The following RALY variants were observed in gnomAD, a reference collection of about 807,000 sequenced individuals.
RALY encodes the protein RNA-binding protein Raly.
Under a neutral mutation model 30.7 loss-of-function variants are expected in RALY, and 15 were observed. That is an observed-to-expected ratio of 0.49 (90% CI 0.33 to 0.75). RALY has a LOEUF of 0.75. RALY is among the 30% of genes least tolerant of loss of function. The probability of loss-of-function intolerance (pLI) is 0.02; values close to 1 mark genes in which losing one functional copy is unlikely to be tolerated. For synonymous variants in RALY, 177 were observed against 170.8 expected (o/e 1.04, Z -0.28); for missense variants, 339 against 414.3 (o/e 0.82, Z 1.58).
At chr20:34,008,137 T>C in intron 1 of RALY, among the ~76,000 whole-genome samples, 1 of 152,210 alleles carries the variant, frequency 6.6e-6, no homozygotes, top group African/African-American at 2.4e-5. Flanking sequence ...GTATTCTCCC[T>C]GCTGTAAGTC....
chr20:34,032,867 A>G (rs748807579), intron 2 of RALY, among the ~76,000 whole-genome samples: 1 of 152,044 alleles, frequency 6.6e-6, no homozygotes, highest in African/African-American at 2.4e-5. Context: ...AAGAAGGCCT[A>G]CTTACTTAGG....
intron 1 of RALY, among the ~76,000 whole-genome samples, chr20:34,019,125 G>A (rs2031720025): frequency 6.6e-6 from 1 of 151,990 alleles, no homozygotes. Context: ...GAGTTCAAGA[G>A]CAGCCTGGCC....
intron 2 of RALY, among the ~76,000 whole-genome samples, chr20:34,068,658 T>C (rs560019894): frequency 3.2e-4 from 48 of 152,204 alleles, no homozygotes; most frequent in Non-Finnish European, 6.2e-4. Flanking sequence ...AGCTAATAAA[T>C]TGTGATGTTC....
At chr20:34,071,235 G>T (rs989046829) in intron 2 of RALY, among the ~76,000 whole-genome samples, 4 of 152,062 alleles carry the variant, frequency 2.6e-5, no homozygotes, top group African/African-American at 7.2e-5. Flanking sequence ...TTTCAAAATG[G>T]TTGGTAGCAA....
In RALY at chr20:34,083,510, G is replaced by A. The variant is rs2034061498; in HGVS notation, c.*3605G>A. On this transcript the variant is annotated 3_prime_UTR_variant, in exon 10 of 10. Coordinates refer to ENST00000246194, the MANE Select transcript of RALY (RefSeq NM_016732.3). ...GCTAAGCCCAAATTCTTCTTAACAG[G>A]AGGAGCTTCAAAATATGGCCATATT... 1 of 152,210 alleles carries A rather than the reference G, an allele frequency of 6.6e-6. No individual in the cohort carries two copies. The highest frequency in any genetic ancestry group is 1.5e-5 in the Non-Finnish European group (1 of 68,044). The allele number at this position is 152,210 out of a possible 1,614,324, so 9.4% of individuals were successfully genotyped here.
rs773144819 is a variant in RALY at position 34,075,887 on chromosome 20, C to T, written c.391C>T (p.Arg131Trp). Residue 131 changes from arginine (R) to tryptophan (W), a missense_variant, in exon 6 of 10, where the codon CGG becomes TGG. Physicochemically the swap from Arg to Trp is moderately radical, Grantham distance 101 (BLOSUM62 -3). Coordinates refer to ENST00000246194, the MANE Select transcript of RALY (RefSeq NM_016732.3). ...DDFYDRLFDY[R>W]GRLSPVPVPR... The stretch of plus-strand genomic sequence containing the variant: ...CTGCCCTCACAGGCTCTTCGACTAC[C>T]GGGGCCGTCTGTCGCCCGTGCCAGT... The T allele has an allele frequency of 4.3e-6, 7 of 1,613,320 alleles. No homozygotes were observed. The highest frequency in any genetic ancestry group is 3.3e-5 in the South Asian group (3 of 90,996).
At chr20:34,052,345 A>C (rs1272742699) in intron 2 of RALY, among the ~76,000 whole-genome samples, 1 of 152,176 alleles carries the variant, frequency 6.6e-6, no homozygotes, top group Non-Finnish European at 1.5e-5. Flanking sequence ...GATTTCATGT[A>C]ACTGACTCAG....
Position 34,034,574 on chromosome 20 carries a change from T to C in RALY, c.-10+2970T>C, listed in dbSNP as rs78368924. Among the ~76,000 whole-genome samples the C allele has an allele frequency of 1.5e-3, 221 of 152,370 alleles. 1 individual carries two copies. The highest frequency in any genetic ancestry group is 5.2e-3 in the African/African-American group (215 of 41,588). On this transcript the variant is annotated intron_variant, in intron 2 of 9. Coordinates refer to ENST00000246194, the MANE Select transcript of RALY (RefSeq NM_016732.3). ...AGTGTGTAATATATACATTTATATATGATAAGCTACCCATATAATAGCTTA... is the reference window on the plus strand; with the variant it reads ...AGTGTGTAATATATACATTTATATACGATAAGCTACCCATATAATAGCTTA...
intron 1 of RALY, among the ~76,000 whole-genome samples, chr20:34,023,804 C>G (rs907145512): frequency 1.3e-5 from 2 of 152,004 alleles, no homozygotes; most frequent in Non-Finnish European, 2.9e-5. Flanking sequence ...TCTCACCTCA[C>G]TCAGACTTAA....
chr20:34,008,630 A>G (rs1202713268), intron 1 of RALY, among the ~76,000 whole-genome samples: 1 of 152,152 alleles, frequency 6.6e-6, no homozygotes, highest in Non-Finnish European at 1.5e-5. Context: ...TGGCCTGTGT[A>G]CATATTTTGT....
At chr20:34,003,514 A>G (rs1488109935) in intron 1 of RALY, among the ~76,000 whole-genome samples, 2 of 152,112 alleles carry the variant, frequency 1.3e-5, no homozygotes, top group Non-Finnish European at 2.9e-5. Context: ...GACAGGGGCA[A>G]TGATGGAGCA....
intron 1 of RALY, among the ~76,000 whole-genome samples, chr20:33,999,181 T>G (rs952104531): frequency 6.7e-6 from 1 of 150,348 alleles, no homozygotes; most frequent in Non-Finnish European, 1.5e-5. Flanking sequence ...AGACAAAGAT[T>G]ATTGGTGTGG....
At chr20:34,042,927 G>GT (rs1207515009) in intron 2 of RALY, among the ~76,000 whole-genome samples, 2 of 152,168 alleles carry the variant, frequency 1.3e-5, no homozygotes, top group Non-Finnish European at 2.9e-5. Context: ...CTTTTAAGTG[G>GT]TCACACAATC....
At chr20:34,002,380 A>C (rs1472396662) in intron 1 of RALY, among the ~76,000 whole-genome samples, 2 of 152,220 alleles carry the variant, frequency 1.3e-5, no homozygotes, top group Non-Finnish European at 2.9e-5. Context: ...CGTTCCAGGA[A>C]TTTGGAGTAC....
Position 34,072,263 on chromosome 20 carries a change from C to T in RALY, c.189C>T (p.Ser63=). ...AGGGCTATGCCTTTGTTCAGTACTC[C>T]AATGAGCGCCATGCCCGGGCAGCTG... is the stretch of plus-strand genomic sequence containing the variant. ...VHKGYAFVQY[S]NERHARAAVL... Residue 63 remains serine, a synonymous_variant, in exon 3 of 10, where the codon TCC becomes TCT. Coordinates refer to ENST00000246194, the MANE Select transcript of RALY (RefSeq NM_016732.3). 3.1e-6 allele frequency: 5 copies of T among 1,614,130 alleles called. No homozygotes were observed. In the South Asian group the frequency reaches 5.5e-5, roughly 18 times the overall value.
chr20:34,048,335 C>A (rs1345679511), intron 2 of RALY, among the ~76,000 whole-genome samples: 1 of 152,120 alleles, frequency 6.6e-6, no homozygotes, highest in African/African-American at 2.4e-5. Flanking sequence ...GTTGGGTCTC[C>A]TATGCTATGG....
chr20:33,996,126 G>T (rs1179228415), intron 1 of RALY, among the ~76,000 whole-genome samples: 1 of 152,188 alleles, frequency 6.6e-6, no homozygotes, highest in Non-Finnish European at 1.5e-5. Flanking sequence ...CTGTGAGGTA[G>T]TTTGCAGAGC....
At chr20:34,011,941 C>T (rs1479360870) in intron 1 of RALY, among the ~76,000 whole-genome samples, 1 of 152,128 alleles carries the variant, frequency 6.6e-6, no homozygotes, top group Non-Finnish European at 1.5e-5. Flanking sequence ...TGGCGCACGC[C>T]TGTAGTCCCA....
intron 1 of RALY, among the ~76,000 whole-genome samples, chr20:33,996,822 C>G (rs1465550369): frequency 6.6e-6 from 1 of 152,108 alleles, no homozygotes. Context: ...AACTATCGTT[C>G]TACTTTCTGT....
Sources: gnomAD v4.1 joint callset for allele counts (sites outside exome capture counted in the v4.1 genomes callset) on GRCh38, gnomAD v4.1.1 for gene constraint, MANE v1.5 for transcripts, NCBI Gene and HGNC (gene_info 2026-07-23, HGNC 2026-07-21) for gene names.